TDRD1: variants seen among roughly 807,000 people sequenced by gnomAD.
The protein encoded by TDRD1 is tudor domain-containing protein 1.
Under a neutral mutation model 140.6 loss-of-function variants are expected in TDRD1, and 37 were observed. The observed-to-expected ratio is 0.26, with a 90% CI of 0.20 to 0.35. TDRD1 has a LOEUF of 0.35. TDRD1 is among the 10% of genes least tolerant of loss of function. TDRD1 has a pLI of 1.00. For synonymous variants in TDRD1, 506 were observed against 475.7 expected, an observed-to-expected ratio of 1.06 and a Z score of -0.83; for missense variants, 1,243 against 1,393.0, an observed-to-expected ratio of 0.89 and a Z score of 1.71.
At chr10:114,185,962 G>A (rs528304795) in intron 1 of TDRD1, among the ~76,000 whole-genome samples, 22 of 152,112 alleles carry the variant, frequency 1.4e-4, no homozygotes, top group African/African-American at 5.3e-4. Flanking sequence ...CATATAATTT[G>A]GTTATATGTG....
At chr10:114,175,680 G>C (rs868719044), upstream of TDRD1, among the ~76,000 whole-genome samples, 9 of 152,108 alleles carry the variant, frequency 5.9e-5, no homozygotes, top group Non-Finnish European at 1.2e-4. Flanking sequence ...GTAGCAGAAA[G>C]CAAGGAAGAA....
At chr10:114,216,783 T>G (rs527978479) in intron 16 of TDRD1, among the ~76,000 whole-genome samples, 1 of 152,362 alleles carries the variant, frequency 6.6e-6, no homozygotes, top group South Asian at 2.1e-4. Context: ...TGTGTGTCCT[T>G]AAACTTTATT....
chr10:114,214,020 A>G (rs546636775), exon 16 of TDRD1: 7 of 1,613,830 alleles, frequency 4.3e-6, no homozygotes, highest in South Asian at 3.3e-5. Context: ...TGGAGTGGAC[A>G]TGGGTTGAAC....
At chr10:114,226,870 T>C (rs1221198349) in intron 22 of TDRD1, among the ~76,000 whole-genome samples, 1 of 152,208 alleles carries the variant, frequency 6.6e-6, no homozygotes, top group Non-Finnish European at 1.5e-5. Context: ...TAGTCCAAGA[T>C]TAGTGCTTGA....
Position 114,216,274 on chromosome 10 carries a change from A to G in TDRD1, c.2213-1271A>G, listed in dbSNP as rs549499584. ...TTCAGGAGCCACTCTGTGACACCAC[A>G]TTGCTGTTTAGTCTCTATTCTTTTT... On this transcript the variant is annotated intron_variant, in intron 16 of 25. Coordinates refer to ENST00000251864, the Ensembl canonical transcript of TDRD1. Among the ~76,000 whole-genome samples, 10 of 152,208 alleles carry G rather than the reference A, an allele frequency of 6.6e-5. No homozygotes were observed. The South Asian group carries it at 1.7e-3, about 25-fold the overall frequency.
At position 114,197,291 on chromosome 10, in the gene TDRD1, T is replaced by A. The variant is rs1199719504; in HGVS notation, c.385-1882T>A. 3.3e-5 allele frequency among the ~76,000 whole-genome samples: 5 copies of A among 152,202 alleles called. No individual in the cohort carries two copies. The East Asian group carries it at 9.6e-4, about 29-fold the overall frequency. ...TTTTCACTCTTGTTCAGATCAGGCG[T>A]TTCTGTGGTTCTATCTTCAAGTTTA... On this transcript the variant is annotated intron_variant, in intron 3 of 25. Transcript: ENST00000251864.
chr10:114,221,440 C>T lies in TDRD1; in HGVS notation c.2854C>T (p.Pro952Ser), dbSNP rs1368555437. Residue 952 changes from proline (P) to serine (S), a missense_variant, in exon 20 of 26, where the codon CCA (proline) becomes TCA (serine). Physicochemically the swap from Pro to Ser is moderately conservative, Grantham distance 74. Coordinates refer to ENST00000251864, the Ensembl canonical transcript of TDRD1. ...AGCAAATGTATTAGAAATCATAAGCCCAAACTTGTTTTATGCTCTACCAAA... is the reference window on the plus strand; with the variant it reads ...AGCAAATGTATTAGAAATCATAAGCTCAAACTTGTTTTATGCTCTACCAAA... 5 of 1,613,272 alleles carry T rather than the reference C, an allele frequency of 3.1e-6. No individual in the cohort carries two copies. In the South Asian group the frequency reaches 4.4e-5, roughly 14 times the overall value.
At chr10:114,191,998 A>T (rs1262360715) in intron 3 of TDRD1, among the ~76,000 whole-genome samples, 1 of 150,250 alleles carries the variant, frequency 6.7e-6, no homozygotes, top group Non-Finnish European at 1.5e-5. Context: ...TCATGTGCTT[A>T]TTTGCCATCT....
chr10:114,204,561 C>T (rs1260409343), intron 9 of TDRD1, among the ~76,000 whole-genome samples, 161 bp from the exon 10 acceptor site: 3 of 152,108 alleles, frequency 2.0e-5, no homozygotes, highest in African/African-American at 7.2e-5. Context: ...ACAGTACTAA[C>T]AGAGGCTAAT....
intron 5 of TDRD1, 118 bp downstream of exon 5, chr10:114,201,633 T>C: frequency 1.4e-6 from 1 of 722,068 alleles, no homozygotes; most frequent in Non-Finnish European, 2.2e-6. Context: ...TTAAGCTCTA[T>C]AACAAAGTGT....
At chr10:114,192,904 A>T (rs574556034) in intron 3 of TDRD1, among the ~76,000 whole-genome samples, 1 of 152,288 alleles carries the variant, frequency 6.6e-6, no homozygotes, top group East Asian at 1.9e-4. Context: ...TTTTCTTTTT[A>T]AAAAAATTTT....
At chr10:114,212,181 A>G (rs1420829494) in intron 14 of TDRD1, 145 bp downstream of exon 14, 1 of 713,862 alleles carries the variant, frequency 1.4e-6, no homozygotes, top group Non-Finnish European at 2.1e-6. Context: ...CATTTATCCC[A>G]AAGAAATCAG....
At chr10:114,201,181 C>T (rs1271633515) in intron 4 of TDRD1, among the ~76,000 whole-genome samples, 1 of 152,072 alleles carries the variant, frequency 6.6e-6, no homozygotes, top group East Asian at 1.9e-4. Flanking sequence ...AACATATATT[C>T]TGAGGTCTAT....
chr10:114,196,885 C>T (rs1228960571), intron 3 of TDRD1, among the ~76,000 whole-genome samples: 3 of 109,660 alleles, frequency 2.7e-5, no homozygotes, highest in African/African-American at 3.8e-5. Flanking sequence ...TGGCTCTTGA[C>T]GCCTGGGCTG....
chr10:114,226,081 G>A (rs1273020919), exon 22 of TDRD1: 1 of 1,613,672 alleles, frequency 6.2e-7, no homozygotes, highest in African/African-American at 1.3e-5. Context: ...AGTTGTTCTG[G>A]GGACATCAGA....
chr10:114,191,308 G>T lies in TDRD1; in HGVS notation c.384+289G>T, dbSNP rs548482128. Reference sequence around the variant, plus strand: ...GGTTATTGATACACCATCAAGATACGGAACATTTCCATCACTACAAGGGTC... The same window carrying T: ...GGTTATTGATACACCATCAAGATACTGAACATTTCCATCACTACAAGGGTC... On this transcript the variant is annotated intron_variant, in intron 3 of 25. Transcript: ENST00000251864. Among the ~76,000 whole-genome samples the T allele has an allele frequency of 5.3e-5, 8 of 152,206 alleles. No individual in the cohort carries two copies. In the East Asian group the frequency reaches 9.7e-4, roughly 18 times the overall value.
At chr10:114,213,656 T>C in intron 15 of TDRD1, 68 bp downstream of exon 15, 1 of 1,393,990 alleles carries the variant, frequency 7.2e-7, no homozygotes, top group Non-Finnish European at 9.9e-7. Flanking sequence ...AAATAGTTTC[T>C]TGTACTTATA....
exon 15 of TDRD1, chr10:114,213,389 T>C: frequency 6.2e-7 from 1 of 1,613,946 alleles, no homozygotes; most frequent in Non-Finnish European, 8.5e-7. Context: ...AAGCTATTTG[T>C]CTCATGAAAA....
intron 21 of TDRD1, among the ~76,000 whole-genome samples, chr10:114,223,068 G>A (rs2133175957): frequency 6.6e-6 from 1 of 152,304 alleles, no homozygotes. Context: ...AATGCCTCAG[G>A]GAGTCAGGCT....
Sources: allele counts gnomAD v4.1 joint callset (sites outside exome capture counted in the v4.1 genomes callset), GRCh38; gene constraint gnomAD v4.1.1; transcripts MANE v1.5; gene names NCBI Gene and HGNC (gene_info 2026-07-23, HGNC 2026-07-21).